ABCC8: variants seen among roughly 807,000 people sequenced by gnomAD.
The protein encoded by ABCC8 is ATP binding cassette subfamily C member 8.
A neutral mutation model predicts 188.0 loss-of-function variants in ABCC8; 137 were observed. The observed-to-expected ratio is 0.73, with a 90% CI of 0.63 to 0.84. ABCC8 has a LOEUF of 0.84. Ranked by LOEUF, ABCC8 falls within the 40% of genes least tolerant of loss-of-function variation. The pLI, the probability that ABCC8 is intolerant of heterozygous loss-of-function variation, is 0.00. For missense variants in ABCC8, 1,750 were observed against 2,072.7 expected (o/e 0.84, Z 3.02); for synonymous variants, 797 against 846.5 (o/e 0.94, Z 1.01).
chr11:17,403,579 C>T (rs954629949), intron 28 of ABCC8, among the ~76,000 whole-genome samples: 3 of 152,166 alleles, frequency 2.0e-5, no homozygotes, highest in Non-Finnish European at 4.4e-5. Flanking sequence ...GTCCAAAATG[C>T]ATCTAAATTT....
chr11:17,442,581 GT>G, intron 10 of ABCC8, 138 bp downstream of exon 10: 1 of 857,254 alleles, frequency 1.2e-6, no homozygotes, highest in Non-Finnish European at 2.0e-6. Context: ...ATCAGAGCCA[GT>G]TTGAGGCTCC....
At chr11:17,394,733 C>T (rs1953818035) in intron 36 of ABCC8, among the ~76,000 whole-genome samples, 1 of 152,120 alleles carries the variant, frequency 6.6e-6, no homozygotes, top group South Asian at 2.1e-4. Flanking sequence ...TTGGCCACCC[C>T]CAATGCTCCA....
chr11:17,407,288 C>T, intron 24 of ABCC8, 66 bp downstream of exon 24: 4 of 1,613,398 alleles, frequency 2.5e-6, no homozygotes, highest in African/African-American at 1.3e-5. Context: ...GAACCCCAAA[C>T]CTTAGCCTCT....
chr11:17,460,860 A>G, intron 5 of ABCC8, 184 bp from the exon 6 acceptor site: 2 of 1,236,972 alleles, frequency 1.6e-6, no homozygotes, highest in East Asian at 2.6e-5. Context: ...GGGCCCTATC[A>G]ACACCAACAT....
intron 3 of ABCC8, among the ~76,000 whole-genome samples, chr11:17,468,136 C>T (rs1848273765): frequency 6.6e-6 from 1 of 152,110 alleles, no homozygotes; most frequent in Admixed American, 6.5e-5. Flanking sequence ...CATTCATACT[C>T]ATGTGGGGGC....
At chr11:17,420,619 A>G (rs1955296883) in intron 16 of ABCC8, among the ~76,000 whole-genome samples, 1 of 152,160 alleles carries the variant, frequency 6.6e-6, no homozygotes, top group South Asian at 2.1e-4. Flanking sequence ...GGCAGGCAGC[A>G]TCCACACCAA....
At chr11:17,441,055 C>T (rs897327263) in intron 10 of ABCC8, among the ~76,000 whole-genome samples, 1 of 152,214 alleles carries the variant, frequency 6.6e-6, no homozygotes, top group Non-Finnish European at 1.5e-5. Context: ...TTCCCTCCCC[C>T]ACCAGGTGTG....
intron 6 of ABCC8, among the ~76,000 whole-genome samples, chr11:17,457,990 G>A (rs576229244): frequency 2.0e-5 from 3 of 152,130 alleles, no homozygotes; most frequent in South Asian, 2.1e-4. Context: ...GGTTCTCTCT[G>A]GATTAGAATG....
Position 17,404,750 on chromosome 11 carries a change from T to A in ABCC8, c.3400-81A>T. 1 of 1,535,996 alleles carries A rather than the reference T, an allele frequency of 6.5e-7. No individual in the cohort carries two copies. The highest frequency in any genetic ancestry group is 8.8e-7 in the Non-Finnish European group (1 of 1,135,398). On this transcript the variant is annotated intron_variant, in intron 27 of 38. Coordinates refer to ENST00000389817, the MANE Select transcript of ABCC8 (RefSeq NM_000352.6). The surrounding 1 kb of genome is among the most constrained non-coding windows in gnomAD (Gnocchi z 4.7). ...AGTGCTACTGGCCGCCATGTTTTGCTCTCACTTTATTTTTTGATCCTTTAT... is the reference window on the plus strand; with the variant it reads ...AGTGCTACTGGCCGCCATGTTTTGCACTCACTTTATTTTTTGATCCTTTAT...
intron 6 of ABCC8, 145 bp downstream of exon 6, chr11:17,460,343 T>C: frequency 7.8e-7 from 1 of 1,276,966 alleles, no homozygotes; most frequent in Non-Finnish European, 1.1e-6. Context: ...GAGTATTCTG[T>C]GGTGGGGATA....
At chr11:17,465,994 G>A (rs1304353555) in intron 3 of ABCC8, among the ~76,000 whole-genome samples, 2 of 152,192 alleles carry the variant, frequency 1.3e-5, no homozygotes, top group Non-Finnish European at 2.9e-5. Flanking sequence ...TAAACAAAAT[G>A]TGGCATATCC....
chr11:17,435,986 C>A (rs1956078768), intron 10 of ABCC8: 2 of 1,575,782 alleles, frequency 1.3e-6, no homozygotes, highest in Non-Finnish European at 1.7e-6. Context: ...ATGGACATCG[C>A]CATGGGAAGA....
intron 5 of ABCC8, 101 bp downstream of exon 5, chr11:17,461,482 C>T (rs909767698): frequency 1.6e-5 from 24 of 1,501,662 alleles, no homozygotes; most frequent in Middle Eastern, 2.2e-4. Context: ...AGTTTCCCCT[C>T]TTGTCCCACC....
At chr11:17,397,158 G>T in intron 32 of ABCC8, 35 bp downstream of exon 32, 1 of 1,613,200 alleles carries the variant, frequency 6.2e-7, no homozygotes. Context: ...ACTCCTCCTT[G>T]GACTCTTCCC....
At chr11:17,420,893 G>A (rs954096492) in intron 16 of ABCC8, among the ~76,000 whole-genome samples, 1 of 152,252 alleles carries the variant, frequency 6.6e-6, no homozygotes, top group African/African-American at 2.4e-5. Flanking sequence ...TAAAGAGAGA[G>A]TTTGCAAATC....
In ABCC8 at chr11:17,394,192, C is replaced by G. The variant is rs1380227679; in HGVS notation, c.4545+74G>C. The G allele has an allele frequency of 3.2e-6, 5 of 1,562,206 alleles. No individual in the cohort carries two copies. In the African/African-American group the frequency reaches 6.8e-5, roughly 21 times the overall value. ...GGCAACTTGAGCCTCAGGACTACTT[C>G]GTGCAAATTTCTCCCTAGCATCCCA... On this transcript the variant is annotated intron_variant, in intron 37 of 38. Transcript: ENST00000389817.
At chr11:17,420,346 T>C (rs1214188383) in intron 16 of ABCC8, among the ~76,000 whole-genome samples, 1 of 152,190 alleles carries the variant, frequency 6.6e-6, no homozygotes, top group Non-Finnish European at 1.5e-5. Flanking sequence ...AGTAACCTGC[T>C]CAAGGTCACA....
At chr11:17,440,936 C>A (rs1956291152) in intron 10 of ABCC8, among the ~76,000 whole-genome samples, 1 of 152,180 alleles carries the variant, frequency 6.6e-6, no homozygotes, top group African/African-American at 2.4e-5. Flanking sequence ...CTCTAGGCAG[C>A]AAGAATGCCA....
chr11:17,410,707 G>A, intron 21 of ABCC8, 54 bp from the exon 22 acceptor site: 1 of 1,611,766 alleles, frequency 6.2e-7, no homozygotes, highest in Non-Finnish European at 8.5e-7. Context: ...ATGGTGGGGA[G>A]GGGTGACAAT....
Sources: gnomAD v4.1 joint callset for allele counts (sites outside exome capture counted in the v4.1 genomes callset) on GRCh38, gnomAD v4.1.1 for gene constraint, Gnocchi (gnomAD v3.1) non-coding constraint, MANE v1.5 for transcripts, NCBI Gene and HGNC (gene_info 2026-07-23, HGNC 2026-07-21) for gene names.